Variants in AP3S2 observed in about 807,000 individuals in gnomAD.
The protein encoded by AP3S2 is AP-3 complex subunit sigma-2.
A neutral mutation model predicts 23.4 loss-of-function variants in AP3S2; 22 were observed. The ratio of observed to expected loss-of-function variants is 0.94; its 90% CI spans 0.67 to 1.34. AP3S2 has a LOEUF of 1.34. Ranked by LOEUF, AP3S2 falls within the 40% of genes most tolerant of loss-of-function variation. The pLI is 0.00. For synonymous variants in AP3S2, 86 were observed against 87.1 expected, an observed-to-expected ratio of 0.99 and a Z score of 0.07; for missense variants, 241 against 236.9, an observed-to-expected ratio of 1.02 and a Z score of -0.11.
intron 1 of AP3S2, chr15:89,889,389 C>A: frequency 4.6e-6 from 2 of 436,028 alleles, no homozygotes; most frequent in East Asian, 3.9e-5. Flanking sequence ...CCATTACTGT[C>A]CTATAGGTAA....
chr15:89,856,467 G>A (rs538766428), intron 4 of AP3S2, among the ~76,000 whole-genome samples: 2 of 152,092 alleles, frequency 1.3e-5, no homozygotes, highest in African/African-American at 2.4e-5. Flanking sequence ...TTGGGAGGCC[G>A]AGGTGGACAG....
At chr15:89,846,397 G>A (rs192640843) in intron 4 of AP3S2, among the ~76,000 whole-genome samples, 22 of 150,928 alleles carry the variant, frequency 1.5e-4, no homozygotes, top group Admixed American at 1.1e-3. Context: ...TCACTCTGTC[G>A]CCCAGGATGG....
At chr15:89,882,131 T>C (rs981799658) in intron 3 of AP3S2, among the ~76,000 whole-genome samples, 2 of 152,118 alleles carry the variant, frequency 1.3e-5, no homozygotes, top group African/African-American at 4.8e-5. Flanking sequence ...TAACATACTC[T>C]TTCTAAATAT....
chr15:89,842,592 G>A (rs779462352), intron 4 of AP3S2, among the ~76,000 whole-genome samples: 36 of 152,272 alleles, frequency 2.4e-4, no homozygotes, highest in Non-Finnish European at 3.2e-4. Context: ...AGGACAGAAA[G>A]TGTGACTCAA....
chr15:89,856,171 G>A (rs1305280604), intron 4 of AP3S2, among the ~76,000 whole-genome samples: 1 of 152,136 alleles, frequency 6.6e-6, no homozygotes, highest in Non-Finnish European at 1.5e-5. Context: ...TCTCCCAAGG[G>A]AGCAAAGGCA....
In AP3S2 at chr15:89,835,260, A is replaced by C; in HGVS notation, c.*255T>G. 7.1e-4 allele frequency: 353 copies of C among 499,590 alleles called. No homozygotes were observed. Among genetic ancestry groups the C allele is most frequent in the Non-Finnish European group, 7.4e-4 (213 of 288,896 alleles). The allele number at this position is 499,590 out of a possible 1,614,324, so 30.9% of individuals were successfully genotyped here. A position where few individuals can be genotyped will look rare whatever the true frequency, so the allele number is the denominator to read the frequency against. Reference sequence around the variant, plus strand: ...ATGTTGACTCCCTACTGAGGAAGGCAGGGCCCCTCACATCTGCAGTGGCCG... The same window carrying C: ...ATGTTGACTCCCTACTGAGGAAGGCCGGGCCCCTCACATCTGCAGTGGCCG... On this transcript the variant is annotated 3_prime_UTR_variant, in exon 6 of 6. Coordinates refer to ENST00000336418, the MANE Select transcript of AP3S2 (RefSeq NM_005829.5).
intron 4 of AP3S2, among the ~76,000 whole-genome samples, chr15:89,871,227 T>G (rs1220706726): frequency 6.6e-6 from 1 of 152,214 alleles, no homozygotes; most frequent in Non-Finnish European, 1.5e-5. Context: ...AAGAAATCAG[T>G]CTGTGAACAG....
intron 4 of AP3S2, among the ~76,000 whole-genome samples, chr15:89,852,862 T>A (rs772424210): frequency 2.0e-4 from 31 of 152,094 alleles, no homozygotes; most frequent in Non-Finnish European, 3.7e-4. Context: ...AGCTGTAACA[T>A]CCCTAAACAC....
intron 4 of AP3S2, 108 bp downstream of exon 4, chr15:89,871,367 G>T: frequency 9.7e-7 from 1 of 1,026,142 alleles, no homozygotes; most frequent in Non-Finnish European, 1.4e-6. Flanking sequence ...TATCTTAAGA[G>T]TAAAAAAAAA....
At position 89,893,669 on chromosome 15, in the gene AP3S2, A is replaced by G; in HGVS notation, c.69+212T>C. The G allele has an allele frequency of 5.5e-6, 3 of 545,896 alleles. No individual in the cohort carries two copies. The South Asian group carries it at 7.2e-5, about 13-fold the overall frequency. The allele number at this position is 545,896 out of a possible 1,614,324, so 33.8% of individuals were successfully genotyped here. On this transcript the variant is annotated intron_variant, in intron 1 of 5. Coordinates refer to ENST00000336418, the MANE Select transcript of AP3S2 (RefSeq NM_005829.5). ...GGCACAGAAATGCCAGGATCAAGAAAAGGGTCAGCGAGAGCGGGGCAGTAG... is the reference window on the plus strand; with the variant it reads ...GGCACAGAAATGCCAGGATCAAGAAGAGGGTCAGCGAGAGCGGGGCAGTAG...
At chr15:89,871,150 T>G (rs1896309295) in intron 4 of AP3S2, among the ~76,000 whole-genome samples, 3 of 152,240 alleles carry the variant, frequency 2.0e-5, no homozygotes, top group Non-Finnish European at 4.4e-5. Flanking sequence ...AAACTAATTT[T>G]ATAATCAGCA....
rs370089891 is a variant in AP3S2, at chr15:89,845,041, G to C, written c.346-7319C>G. ...TTGCCTCAGCCTCCTGAGTAGCTGG[G>C]ACTACAGGCGCCCGCCACCACGCCC... On this transcript the variant is annotated intron_variant, in intron 4 of 5. Transcript: ENST00000336418. Among the ~76,000 whole-genome samples, 270 of 152,132 alleles carry C rather than the reference G, an allele frequency of 1.8e-3. 1 individual carries two copies. Among genetic ancestry groups the C allele is most frequent in the Non-Finnish European group, 2.7e-3 (185 of 68,010 alleles).
intron 4 of AP3S2, among the ~76,000 whole-genome samples, chr15:89,859,035 T>C (rs367742245): frequency 2.6e-5 from 4 of 151,992 alleles, no homozygotes; most frequent in Non-Finnish European, 4.4e-5. Flanking sequence ...TTTTCTTTTT[T>C]ACTTAAAGAG....
At chr15:89,864,355 G>T (rs896040386) in intron 4 of AP3S2, among the ~76,000 whole-genome samples, 1 of 152,126 alleles carries the variant, frequency 6.6e-6, no homozygotes, top group African/African-American at 2.4e-5. Flanking sequence ...TGGAAAAAAA[G>T]CTTTTGATAA....
intron 4 of AP3S2, among the ~76,000 whole-genome samples, chr15:89,861,012 C>T (rs938275760): frequency 1.3e-5 from 2 of 152,210 alleles, no homozygotes; most frequent in African/African-American, 4.8e-5. Context: ...TGGAGACCTG[C>T]AGTCAGGACA....
At chr15:89,846,061 A>C (rs1373038537) in intron 4 of AP3S2, among the ~76,000 whole-genome samples, 3 of 152,248 alleles carry the variant, frequency 2.0e-5, no homozygotes, top group Non-Finnish European at 4.4e-5. Context: ...TCTTGATATA[A>C]GGGGAAGGCA....
At chr15:89,859,113 C>G (rs892789825) in intron 4 of AP3S2, among the ~76,000 whole-genome samples, 54 of 152,036 alleles carry the variant, frequency 3.6e-4, no homozygotes, top group African/African-American at 1.2e-3. Flanking sequence ...TCGCCTCAGC[C>G]TCCCAAAGTG....
At chr15:89,879,318 C>A (rs1896516709) in intron 3 of AP3S2, among the ~76,000 whole-genome samples, 2 of 152,228 alleles carry the variant, frequency 1.3e-5, no homozygotes, top group Admixed American at 6.5e-5. Flanking sequence ...TTAAAAAACA[C>A]ATGCCCTTAT....
chr15:89,877,650 ACCAGCCTGAGCAACATGGTGAAAACC>A lies in AP3S2; in HGVS notation c.274-6130_274-6105del, dbSNP rs1226671752. On this transcript the variant is annotated intron_variant, in intron 3 of 5. Coordinates refer to ENST00000336418, the MANE Select transcript of AP3S2 (RefSeq NM_005829.5). ...GATCACTTGAGGCCAGGAGTTTAAG[ACCAGCCTGAGCAACATGGTGAAAACC>A]CCCAGCTACTCAGGTGGCTGAGGCA... is the stretch of plus-strand genomic sequence containing the variant. 4.6e-5 allele frequency among the ~76,000 whole-genome samples: 7 copies of A among 152,158 alleles called. No homozygotes were observed. The East Asian group carries it at 1.4e-3, about 29-fold the overall frequency.
Sources: allele counts gnomAD v4.1 joint callset (sites outside exome capture counted in the v4.1 genomes callset), GRCh38; gene constraint gnomAD v4.1.1; transcripts MANE v1.5; gene names NCBI Gene and HGNC (gene_info 2026-07-23, HGNC 2026-07-21).